Variants in NECAB1 observed in about 807,000 individuals in gnomAD.
NECAB1 encodes the protein N-terminal EF-hand calcium binding protein 1.
In NECAB1, 29 loss-of-function variants were observed where a neutral mutation model predicts 57.5. That is an observed-to-expected ratio of 0.50 (90% CI 0.38 to 0.69). NECAB1 has a LOEUF of 0.69. Among genes scored for constraint, NECAB1 ranks in the 30% least tolerant of loss-of-function variants. The pLI is 0.00. For missense variants in NECAB1, 372 were observed against 413.8 expected (o/e 0.90, Z 0.88); for synonymous variants, 142 against 147.7 (o/e 0.96, Z 0.28).
chr8:90,945,725 C>G (rs1810790982), intron 10 of NECAB1, among the ~76,000 whole-genome samples: 1 of 152,148 alleles, frequency 6.6e-6, no homozygotes, highest in African/African-American at 2.4e-5. Flanking sequence ...GTTCCTGAGC[C>G]ACATCCATTT....
chr8:90,821,856 G>A (rs1812148914), intron 2 of NECAB1, among the ~76,000 whole-genome samples: 1 of 151,662 alleles, frequency 6.6e-6, no homozygotes, highest in African/African-American at 2.4e-5. Context: ...ATGAAAGAGT[G>A]GATAAAGTGC....
chr8:90,906,889 A>ATGTATATATATATG (rs1370948313), intron 5 of NECAB1, among the ~76,000 whole-genome samples: 6 of 72,860 alleles, frequency 8.2e-5, no homozygotes, highest in African/African-American at 2.9e-4. Flanking sequence ...ATATATATAT[A>ATGTATATATATATG]TATATATATA....
intron 1 of NECAB1, among the ~76,000 whole-genome samples, chr8:90,801,238 A>G (rs1228486795): frequency 6.6e-6 from 1 of 152,160 alleles, no homozygotes; most frequent in Non-Finnish European, 1.5e-5. Flanking sequence ...GTTTTCTTAC[A>G]TCCTCTTGTA....
chr8:90,913,507 A>T (rs1809878745), intron 5 of NECAB1, among the ~76,000 whole-genome samples: 1 of 152,146 alleles, frequency 6.6e-6, no homozygotes. Context: ...AATGAGTATA[A>T]TCTGTACATT....
intron 5 of NECAB1, among the ~76,000 whole-genome samples, chr8:90,895,772 A>G (rs912693236): frequency 1.3e-5 from 2 of 152,244 alleles, no homozygotes; most frequent in African/African-American, 4.8e-5. Context: ...GCTGAGTGGA[A>G]CTGGCCTGTG....
At chr8:90,836,628 A>C (rs1812373925) in intron 3 of NECAB1, among the ~76,000 whole-genome samples, 3 of 152,186 alleles carry the variant, frequency 2.0e-5, no homozygotes, top group Admixed American at 2.0e-4. Context: ...AGTGGCACAA[A>C]GAGTTTTTAT....
chr8:90,928,267 C>G lies in NECAB1; in HGVS notation c.661C>G (p.Leu221Val), dbSNP rs1051741058. The stretch of plus-strand genomic sequence containing the variant: ...CCAGTGGATGACCCAGATAAATAGA[C>G]TCCAGAAATTAATTGATAGACTGGA... ...DNQWMTQINR[L>V]QKLIDRLEKK... Residue 221 changes from leucine to valine, a missense_variant, in exon 8 of 13, where the codon CTC becomes GTC. Transcript: ENST00000417640. The G allele has an allele frequency of 6.2e-7, 1 of 1,609,050 alleles. No homozygotes were observed. The highest frequency in any genetic ancestry group is 1.7e-5 in the Admixed American group (1 of 58,678).
chr8:90,845,354 T>C (rs1812535706), intron 3 of NECAB1, among the ~76,000 whole-genome samples: 1 of 152,180 alleles, frequency 6.6e-6, no homozygotes, highest in African/African-American at 2.4e-5. Context: ...TAATAGCAGG[T>C]GCTGTGGGGT....
intron 3 of NECAB1, among the ~76,000 whole-genome samples, chr8:90,868,416 G>T (rs1158205515): frequency 6.6e-6 from 1 of 152,174 alleles, no homozygotes; most frequent in Non-Finnish European, 1.5e-5. Context: ...GGGAAAGTGG[G>T]ACTTGTTAAA....
chr8:90,853,284 C>T (rs1276411638), intron 3 of NECAB1, among the ~76,000 whole-genome samples: 1 of 152,242 alleles, frequency 6.6e-6, no homozygotes, highest in African/African-American at 2.4e-5. Flanking sequence ...CTCTTTCTCT[C>T]ACATGCTCTC....
chr8:90,863,369 A>G (rs1172684939), intron 3 of NECAB1, among the ~76,000 whole-genome samples: 1 of 152,188 alleles, frequency 6.6e-6, no homozygotes, highest in African/African-American at 2.4e-5. Context: ...TAAAAATAAA[A>G]GTATAAACAT....
At chr8:90,906,889 A>ATATATATATATATATGTATATATATGTG (rs1563528252) in intron 5 of NECAB1, among the ~76,000 whole-genome samples, 1 of 72,856 alleles carries the variant, frequency 1.4e-5, no homozygotes, top group African/African-American at 5.7e-5. Context: ...ATATATATAT[A>ATATATATATATATATGTATATATATGTG]TATATATATA....
intron 1 of NECAB1, among the ~76,000 whole-genome samples, chr8:90,795,624 G>A (rs761371452): frequency 6.6e-5 from 10 of 151,918 alleles, no homozygotes; most frequent in African/African-American, 2.4e-4. Flanking sequence ...GAGGAATGTC[G>A]AAGCCGAATG....
At chr8:90,850,590 A>G (rs1812664061) in intron 3 of NECAB1, among the ~76,000 whole-genome samples, 1 of 139,160 alleles carries the variant, frequency 7.2e-6, no homozygotes, top group South Asian at 2.1e-4. Context: ...ATACAAGAAC[A>G]CCATGCAAAT....
chr8:90,839,277 A>G (rs1812418270), intron 3 of NECAB1, among the ~76,000 whole-genome samples: 1 of 152,194 alleles, frequency 6.6e-6, no homozygotes, highest in Non-Finnish European at 1.5e-5. Context: ...GGGAGAGAGG[A>G]CACCGTTAAA....
At chr8:90,902,399 G>C (rs1159067893) in intron 5 of NECAB1, among the ~76,000 whole-genome samples, 1 of 152,154 alleles carries the variant, frequency 6.6e-6, no homozygotes, top group Non-Finnish European at 1.5e-5. Flanking sequence ...TCCAGCCTGG[G>C]AGACAGAGTG....
chr8:90,872,037 C>A (rs7830264), intron 3 of NECAB1, 91 bp from the exon 4 acceptor site: 352,586 of 965,594 alleles, frequency 0.37, 77,825 homozygotes, highest in African/African-American at 0.86. Flanking sequence ...AATAATATAG[C>A]TTGGAGACTA....
intron 4 of NECAB1, among the ~76,000 whole-genome samples, chr8:90,873,068 A>G (rs1003106512): frequency 1.3e-5 from 2 of 152,242 alleles, no homozygotes; most frequent in South Asian, 2.1e-4. Context: ...CAACACCAAA[A>G]GATGTTATAC....
At chr8:90,878,654 TC>T (rs1198004587) in intron 4 of NECAB1, among the ~76,000 whole-genome samples, 8 of 152,114 alleles carry the variant, frequency 5.3e-5, no homozygotes, top group Non-Finnish European at 1.2e-4. Context: ...TAGTGATTGT[TC>T]TTTTTTTCTA....
Sources: allele counts gnomAD v4.1 joint callset (sites outside exome capture counted in the v4.1 genomes callset), GRCh38; gene constraint gnomAD v4.1.1; transcripts MANE v1.5; gene names NCBI Gene and HGNC (gene_info 2026-07-23, HGNC 2026-07-21).